Variants in FMN2 observed in about 807,000 individuals in gnomAD.
FMN2 encodes formin-2.
In FMN2, 51 loss-of-function variants were observed where a neutral mutation model predicts 142.3. The observed-to-expected ratio is 0.36, with a 90% CI of 0.29 to 0.45. The LOEUF is 0.45. Among genes scored for constraint, FMN2 ranks in the 20% least tolerant of loss-of-function variants. FMN2 has a pLI of 1.00. For missense variants in FMN2, 1,936 were observed against 2,122.8 expected, an observed-to-expected ratio of 0.91 and a Z score of 1.73; for synonymous variants, 882 against 869.8, an observed-to-expected ratio of 1.01 and a Z score of -0.25.
At chr1:240,345,783 A>G (rs1458377944) in intron 13 of FMN2, among the ~76,000 whole-genome samples, 1 of 152,018 alleles carries the variant, frequency 6.6e-6, no homozygotes, top group African/African-American at 2.4e-5. Flanking sequence ...ACACCTGGCT[A>G]TGGCACTGTC....
At chr1:240,228,203 TGAA>T (rs1031561249) in intron 6 of FMN2, among the ~76,000 whole-genome samples, 7 of 147,406 alleles carry the variant, frequency 4.7e-5, no homozygotes, top group Admixed American at 2.8e-4. Flanking sequence ...CTCGGGAGTC[TGAA>T]GCAGGAGAAT....
chr1:240,453,566 G>A (rs67230003), intron 16 of FMN2, among the ~76,000 whole-genome samples: 14,081 of 152,126 alleles, frequency 0.093, 752 homozygotes, highest in Middle Eastern at 0.15. Flanking sequence ...AATGAGCCCA[G>A]TGTTTTTCTC....
At chr1:240,172,741 T>C (rs570839936) in intron 2 of FMN2, among the ~76,000 whole-genome samples, 60 of 152,310 alleles carry the variant, frequency 3.9e-4, no homozygotes, top group Non-Finnish European at 6.3e-4. Context: ...GGTTTAGACA[T>C]ACCAGATAAC....
At chr1:240,355,711 A>T in intron 13 of FMN2, 105 bp from the exon 14 acceptor site, 1 of 686,596 alleles carries the variant, frequency 1.5e-6, no homozygotes, top group Non-Finnish European at 2.6e-6. Context: ...TATGCTGATT[A>T]GGGGAGTTAA....
intron 7 of FMN2, among the ~76,000 whole-genome samples, chr1:240,260,939 A>G (rs1338055149): frequency 6.6e-6 from 1 of 152,186 alleles, no homozygotes; most frequent in African/African-American, 2.4e-5. Context: ...ATAATGTGAG[A>G]GATGAGGATC....
At chr1:240,438,269 C>G in intron 16 of FMN2, 59 bp downstream of exon 16, 1 of 1,533,672 alleles carries the variant, frequency 6.5e-7, no homozygotes, top group Non-Finnish European at 8.8e-7. Context: ...AGGTGTGGCA[C>G]CACTGGGTTG....
chr1:240,111,461 C>A (rs1479995370), intron 1 of FMN2, among the ~76,000 whole-genome samples: 1 of 152,184 alleles, frequency 6.6e-6, no homozygotes, highest in Admixed American at 6.5e-5. Flanking sequence ...ATATGCTAAA[C>A]AAGGGGTGAA....
intron 1 of FMN2, among the ~76,000 whole-genome samples, chr1:240,102,579 T>A (rs1661452707): frequency 6.6e-6 from 1 of 152,226 alleles, no homozygotes. Context: ...AATGTTCTTC[T>A]ATAAGCCAAT....
chr1:240,421,681 A>G lies in FMN2; in HGVS notation c.4911-16380A>G, dbSNP rs1674768020. On this transcript the variant is annotated intron_variant, in intron 15 of 17. Coordinates refer to ENST00000319653, the MANE Select transcript of FMN2 (RefSeq NM_020066.5). ...TTTTCTTGTTTCATTTTTTATTATGACCAATAATTTTCAAGTTTATTTCCT... is the reference window on the plus strand; with the variant it reads ...TTTTCTTGTTTCATTTTTTATTATGGCCAATAATTTTCAAGTTTATTTCCT... Among the ~76,000 whole-genome samples the G allele has an allele frequency of 2.6e-5, 4 of 151,834 alleles. No individual in the cohort carries two copies. In the South Asian group the frequency reaches 8.3e-4, roughly 31 times the overall value.
chr1:240,241,032 TAGAA>T (rs1402563489), intron 6 of FMN2, among the ~76,000 whole-genome samples: 1 of 152,202 alleles, frequency 6.6e-6, no homozygotes, highest in African/African-American at 2.4e-5. Context: ...TGGTTTAAAT[TAGAA>T]AGGCATTTTG....
intron 2 of FMN2, among the ~76,000 whole-genome samples, chr1:240,155,958 G>C (rs951705074): frequency 6.6e-6 from 1 of 151,032 alleles, no homozygotes; most frequent in Non-Finnish European, 1.5e-5. Context: ...ACCGTAAAGG[G>C]ACAGACGTGG....
intron 2 of FMN2, among the ~76,000 whole-genome samples, chr1:240,153,936 C>G (rs1301841567): frequency 5.3e-5 from 8 of 151,566 alleles, no homozygotes; most frequent in Admixed American, 5.3e-4. Flanking sequence ...GCCAACATGG[C>G]ACAACCCTGC....
In FMN2 at chr1:240,355,903, T is replaced by G; in HGVS notation, c.4853T>G (p.Ile1618Ser). 1 of 1,520,852 alleles carries G rather than the reference T, an allele frequency of 6.6e-7. No individual in the cohort carries two copies. The highest frequency in any genetic ancestry group is 8.9e-7 in the Non-Finnish European group (1 of 1,124,500). 94.2% of individuals were successfully genotyped at this position (1,520,852 alleles called of 1,614,324 possible). The change falls in exon 14 of 18, where the codon ATT (isoleucine) becomes AGT (serine). Residue 1618 changes from isoleucine to serine, a missense_variant. Coordinates refer to ENST00000319653, the MANE Select transcript of FMN2 (RefSeq NM_020066.5). ...PFKENMEQFI[I>S]QAKIDQEAEE... ...AAGGAAAACATGGAACAATTTATTA[T>G]TCAAGGTAAATTCCAAAGAGATGTG...
chr1:240,193,801 TCTC>T (rs1665807701), intron 4 of FMN2, among the ~76,000 whole-genome samples: 1 of 152,184 alleles, frequency 6.6e-6, no homozygotes, highest in African/African-American at 2.4e-5. Context: ...CCTTCTAATC[TCTC>T]CTCCACAATG....
At chr1:240,173,276 C>A (rs1225399667) in intron 2 of FMN2, among the ~76,000 whole-genome samples, 1 of 152,100 alleles carries the variant, frequency 6.6e-6, no homozygotes, top group East Asian at 1.9e-4. Context: ...CTGTCCAGAG[C>A]TAGGGGAGAT....
chr1:240,391,346 A>G (rs555858697), intron 14 of FMN2, among the ~76,000 whole-genome samples: 4 of 152,186 alleles, frequency 2.6e-5, no homozygotes, highest in Non-Finnish European at 5.9e-5. Context: ...AACATGAACT[A>G]GCCTAAGCCG....
chr1:240,427,171 T>TTATATATATATATATATATATATA lies in FMN2; in HGVS notation c.4911-10869_4911-10868insATATATATATATATATATATATAT, dbSNP rs34534422. ...TAGTTCATGTATGTTACAACTGATTTTATATATATATATATATATATGGTT... is the reference window on the plus strand; with the variant it reads ...TAGTTCATGTATGTTACAACTGATTTTATATATATATATATATATATATATATATATATATATATATATATGGTT... On this transcript the variant is annotated intron_variant, in intron 15 of 17. Transcript: ENST00000319653. Among the ~76,000 whole-genome samples, 3 of 136,890 alleles carry TTATATATATATATATATATATATA rather than the reference T, an allele frequency of 2.2e-5. No individual in the cohort carries two copies. The East Asian group carries it at 6.1e-4, about 28-fold the overall frequency. 89.8% of individuals were successfully genotyped at this position (136,890 alleles called of 152,430 possible). A position where few individuals can be genotyped will look rare whatever the true frequency, so the allele number is the denominator to read the frequency against.
At chr1:240,418,086 G>C (rs978445270) in intron 15 of FMN2, among the ~76,000 whole-genome samples, 2 of 151,822 alleles carry the variant, frequency 1.3e-5, no homozygotes, top group Non-Finnish European at 2.9e-5. Context: ...CTGGGCTATA[G>C]TGATTAAGAC....
chr1:240,179,430 G>A (rs1025539925), intron 3 of FMN2: 1 of 152,102 alleles, frequency 6.6e-6, no homozygotes, highest in African/African-American at 2.4e-5. Flanking sequence ...GAGATGTCCA[G>A]TGCTTTTGAA....
Sources: gnomAD v4.1 joint callset for allele counts (sites outside exome capture counted in the v4.1 genomes callset) on GRCh38, gnomAD v4.1.1 for gene constraint, MANE v1.5 for transcripts, NCBI Gene and HGNC (gene_info 2026-07-23, HGNC 2026-07-21) for gene names.